KAZN: variants seen among roughly 807,000 people sequenced by gnomAD.
KAZN encodes kazrin, periplakin interacting protein, also known as kazrin.
Under a neutral mutation model 87.4 loss-of-function variants are expected in KAZN, and 40 were observed. The observed-to-expected ratio is 0.46, with a 90% CI of 0.36 to 0.60. The LOEUF is 0.60. Among genes scored for constraint, KAZN ranks in the 20% least tolerant of loss-of-function variants. The pLI, the probability that KAZN is intolerant of heterozygous loss-of-function variation, is 0.00. For synonymous variants in KAZN, 466 were observed against 458.3 expected (o/e 1.02, Z -0.22); for missense variants, 898 against 1,073.9 (o/e 0.84, Z 2.29).
intron 2 of KAZN, among the ~76,000 whole-genome samples, chr1:14,541,191 C>T (rs72862082): frequency 0.22 from 33,215 of 152,132 alleles, 3,907 homozygotes; most frequent in Admixed American, 0.36. Flanking sequence ...GAAATGTTAA[C>T]CATTTATCCT....
intron 2 of KAZN, among the ~76,000 whole-genome samples, chr1:14,484,779 A>G (rs906005850): frequency 7.2e-5 from 11 of 152,194 alleles, no homozygotes; most frequent in African/African-American, 2.7e-4. Context: ...ATCTCCTGGG[A>G]TAACTGTGTT....
At chr1:14,740,112 G>C (rs76210275) in intron 1 of KAZN, among the ~76,000 whole-genome samples, 5 of 152,124 alleles carry the variant, frequency 3.3e-5, no homozygotes, top group Non-Finnish European at 7.3e-5. Context: ...CCCAAGCCGA[G>C]TGTGTGCTGG....
In KAZN at chr1:14,265,209, G is replaced by T. The variant is rs1282214507; in HGVS notation, c.249+84617G>T. On this transcript the variant is annotated intron_variant, in intron 2 of 16. Transcript: ENST00000636203. ...GACATTCCACAAAGTAAAGAAGAAG[G>T]TCTAACACTATTGTGGCTGAAGAGA... Among the ~76,000 whole-genome samples the T allele has an allele frequency of 3.9e-5, 6 of 152,168 alleles. No homozygotes were observed. The East Asian group carries it at 1.2e-3, about 29-fold the overall frequency.
intron 2 of KAZN, among the ~76,000 whole-genome samples, chr1:14,444,106 T>G (rs1362258010): frequency 1.3e-5 from 2 of 152,116 alleles, no homozygotes. Flanking sequence ...TTTAATAGAC[T>G]TCAAAGTATG....
chr1:14,530,287 T>A (rs1347709612), intron 2 of KAZN, among the ~76,000 whole-genome samples: 4 of 152,172 alleles, frequency 2.6e-5, no homozygotes, highest in Non-Finnish European at 5.9e-5. Flanking sequence ...AAGAGCCCGC[T>A]CTAATCCAGG....
At chr1:14,617,857 T>G (rs919043669) in intron 1 of KAZN, among the ~76,000 whole-genome samples, 2 of 152,222 alleles carry the variant, frequency 1.3e-5, no homozygotes, top group African/African-American at 4.8e-5. Flanking sequence ...CTCATTTATT[T>G]TGTGGTTTGA....
At chr1:13,999,765 C>T (rs913274032) in intron 1 of KAZN, among the ~76,000 whole-genome samples, 7 of 152,180 alleles carry the variant, frequency 4.6e-5, no homozygotes, top group Admixed American at 1.3e-4. Context: ...AATCCAGGAG[C>T]TGGTTTTTTG....
At chr1:14,382,839 T>C (rs1254388318) in intron 2 of KAZN, among the ~76,000 whole-genome samples, 2 of 151,934 alleles carry the variant, frequency 1.3e-5, no homozygotes, top group African/African-American at 4.8e-5. Context: ...TACCCAGTAA[T>C]GGGATGGCTG....
intron 1 of KAZN, among the ~76,000 whole-genome samples, chr1:14,777,262 C>T (rs1645207832): frequency 6.6e-6 from 1 of 152,134 alleles, no homozygotes; most frequent in South Asian, 2.1e-4. Flanking sequence ...TCCCAAAGTG[C>T]TGGGATTACA....
At chr1:14,277,480 A>G (rs1266068693) in intron 2 of KAZN, among the ~76,000 whole-genome samples, 2 of 152,148 alleles carry the variant, frequency 1.3e-5, no homozygotes, top group Non-Finnish European at 2.9e-5. Context: ...CCTGGCCAAC[A>G]TGGTGAAACT....
At chr1:15,048,682 T>C (rs1243137870) in intron 4 of KAZN, among the ~76,000 whole-genome samples, 44 of 143,096 alleles carry the variant, frequency 3.1e-4, no homozygotes, top group African/African-American at 9.5e-4. Flanking sequence ...TCCTGGGTCG[T>C]TGGTCCTGGG....
chr1:14,837,635 C>T (rs1340949630), intron 1 of KAZN, among the ~76,000 whole-genome samples: 1 of 151,192 alleles, frequency 6.6e-6, no homozygotes, highest in East Asian at 1.9e-4. Context: ...TCACTGCAGC[C>T]TCAACCTCCT....
At chr1:14,693,211 G>A (rs1484355295) in intron 1 of KAZN, among the ~76,000 whole-genome samples, 3 of 152,110 alleles carry the variant, frequency 2.0e-5, no homozygotes, top group South Asian at 2.1e-4. Context: ...AGGACTGTCC[G>A]CCTCCTTATC....
intron 2 of KAZN, among the ~76,000 whole-genome samples, chr1:14,496,682 G>A (rs1388535106): frequency 3.3e-5 from 5 of 151,822 alleles, no homozygotes; most frequent in Admixed American, 6.5e-5. Context: ...GAAGCAGCTC[G>A]GCAGCGACTC....
At chr1:14,573,054 T>G (rs1674965744) in intron 2 of KAZN, among the ~76,000 whole-genome samples, 1 of 152,122 alleles carries the variant, frequency 6.6e-6, no homozygotes. Flanking sequence ...GCTCCTCAGC[T>G]CTGAGGAATG....
chr1:15,016,676 C>A (rs978519434), intron 2 of KAZN, among the ~76,000 whole-genome samples: 2 of 152,192 alleles, frequency 1.3e-5, no homozygotes, highest in Admixed American at 6.5e-5. Context: ...CACTTCCCTG[C>A]AGGGAAACCC....
At chr1:14,584,273 A>G (rs923002394) in intron 2 of KAZN, among the ~76,000 whole-genome samples, 2 of 152,168 alleles carry the variant, frequency 1.3e-5, no homozygotes, top group Admixed American at 1.3e-4. Context: ...TTGTCCAACA[A>G]CCGGAGAGAG....
intron 2 of KAZN, among the ~76,000 whole-genome samples, chr1:14,457,628 CT>C (rs1667635450): frequency 6.6e-6 from 1 of 151,758 alleles, no homozygotes; most frequent in African/African-American, 2.4e-5. Context: ...TTATCAAGTT[CT>C]TGGAAAAAAA....
intron 2 of KAZN, among the ~76,000 whole-genome samples, chr1:14,998,155 G>A (rs111593797): frequency 0.019 from 2,818 of 152,276 alleles, 34 homozygotes; most frequent in South Asian, 0.037. Context: ...ACGGCGGGGG[G>A]GAGGGGCAGC....
Sources: gnomAD v4.1 joint callset for allele counts (sites outside exome capture counted in the v4.1 genomes callset) on GRCh38, gnomAD v4.1.1 for gene constraint, MANE v1.5 for transcripts, NCBI Gene and HGNC (gene_info 2026-07-23, HGNC 2026-07-21) for gene names.